Variants in PSEN2 observed in about 807,000 individuals in gnomAD.
PSEN2 encodes the protein presenilin-2.
PSEN2 carries 32 observed loss-of-function variants against 49.1 expected under a neutral mutation model. The ratio of observed to expected loss-of-function variants is 0.65; its 90% CI spans 0.49 to 0.88. The LOEUF is 0.88. PSEN2 is among the 40% of genes least tolerant of loss of function. The pLI, the probability that PSEN2 is intolerant of heterozygous loss-of-function variation, is 0.00. For missense variants in PSEN2, 522 were observed against 586.9 expected (o/e 0.89, Z 1.14); for synonymous variants, 255 against 244.0 (o/e 1.05, Z -0.42).
chr1:226,886,833 G>A (rs1661395719), intron 6 of PSEN2, among the ~76,000 whole-genome samples: 1 of 152,188 alleles, frequency 6.6e-6, no homozygotes, highest in Non-Finnish European at 1.5e-5. Context: ...TGGGCATTGT[G>A]GTGCACGCCT....
chr1:226,894,133 G>T lies in PSEN2; in HGVS notation c.1191+8G>T, dbSNP rs774601959. On this transcript the variant is annotated splice_region_variant and intron_variant, in intron 12 of 12. Transcript: ENST00000366783. Reference sequence around the variant, plus strand: ...TTCGTGGCCATCCTCATTGTGAGTGGCTGGGGATGCGTCCAGCTGCCTCGT... The same window carrying T: ...TTCGTGGCCATCCTCATTGTGAGTGTCTGGGGATGCGTCCAGCTGCCTCGT... 3 of 1,611,564 alleles carry T rather than the reference G, an allele frequency of 1.9e-6. No homozygotes were observed. The highest frequency in any genetic ancestry group is 1.1e-5 in the South Asian group (1 of 90,956).
In PSEN2 at chr1:226,882,017, G is replaced by A. The variant is rs1231154581; in HGVS notation, c.110G>A (p.Gly37Asp). ...TPRSCQEGRQ[G>D]PEDGENTAQW... ...CGCTCCTGCCAGGAGGGCAGGCAGG[G>A]CCCAGAGGATGGAGAGAACACTGCC... is the stretch of plus-strand genomic sequence containing the variant. The change falls in exon 4 of 13, where the codon GGC becomes GAC. Residue 37 changes from glycine to aspartate, a missense_variant. Physicochemically the swap from Gly to Asp is moderately conservative, Grantham distance 94. Coordinates refer to ENST00000366783, the MANE Select transcript of PSEN2 (RefSeq NM_000447.3). 9.3e-6 allele frequency: 15 copies of A among 1,614,046 alleles called. No individual in the cohort carries two copies. The highest frequency in any genetic ancestry group is 1.3e-5 in the African/African-American group (1 of 74,952).
intron 3 of PSEN2, among the ~76,000 whole-genome samples, 200 bp from the exon 4 acceptor site, chr1:226,881,688 G>C (rs944198451): frequency 6.6e-6 from 1 of 152,220 alleles, no homozygotes; most frequent in Non-Finnish European, 1.5e-5. Flanking sequence ...GCCAGCCCCA[G>C]GCAAGGCCGC....
At chr1:226,878,142 C>T (rs1571940911) in intron 3 of PSEN2, among the ~76,000 whole-genome samples, 2 of 151,838 alleles carry the variant, frequency 1.3e-5, no homozygotes, top group South Asian at 2.1e-4. Flanking sequence ...TGCAGTGGTG[C>T]GATCTCAGCT....
chr1:226,893,647 T>A, intron 11 of PSEN2, among the ~76,000 whole-genome samples: 1 of 152,220 alleles, frequency 6.6e-6, no homozygotes, highest in East Asian at 1.9e-4. Context: ...CCTAAAAATC[T>A]GTGATTCAGA....
intron 5 of PSEN2, 21 bp downstream of exon 5, chr1:226,883,940 G>A: frequency 7.8e-7 from 1 of 1,284,714 alleles, no homozygotes; most frequent in Non-Finnish European, 1.1e-6. Flanking sequence ...GGGCTGGGGG[G>A]AGCAGGGTGG....
At chr1:226,889,192 C>T (rs913938117) in intron 8 of PSEN2, 143 bp downstream of exon 8, 39 of 743,314 alleles carry the variant, frequency 5.2e-5, no homozygotes, top group South Asian at 4.7e-4. Context: ...CTGAGAGAGT[C>T]GCCTTTGTAA....
chr1:226,876,214 C>A (rs1660620303), intron 3 of PSEN2, among the ~76,000 whole-genome samples: 1 of 152,106 alleles, frequency 6.6e-6, no homozygotes, highest in Non-Finnish European at 1.5e-5. Context: ...ATTTTTCCCT[C>A]CAAGGATTTC....
At chr1:226,885,159 G>C (rs1334372824) in intron 5 of PSEN2, among the ~76,000 whole-genome samples, 2 of 151,830 alleles carry the variant, frequency 1.3e-5, no homozygotes, top group African/African-American at 4.8e-5. Context: ...AGGTGGAGGA[G>C]TGCTGGGCTG....
chr1:226,894,826 A>T (rs905100768), intron 12 of PSEN2, among the ~76,000 whole-genome samples: 2 of 152,176 alleles, frequency 1.3e-5, no homozygotes. Flanking sequence ...TTTGCCCACA[A>T]GTATATCAGG....
At chr1:226,882,547 A>T (rs181276264) in intron 4 of PSEN2, among the ~76,000 whole-genome samples, 175 of 152,286 alleles carry the variant, frequency 1.1e-3, no homozygotes, top group Non-Finnish European at 1.9e-3. Context: ...AAAGAGTAGG[A>T]TATCGTTGGG....
intron 12 of PSEN2, 43 bp from the exon 13 acceptor site, chr1:226,895,381 C>T: frequency 6.2e-7 from 1 of 1,611,528 alleles, no homozygotes; most frequent in Non-Finnish European, 8.5e-7. Context: ...CTCCTGTCCA[C>T]ACCAGGGATC....
downstream of PSEN2, among the ~76,000 whole-genome samples, chr1:226,899,773 A>T (rs1662253283): frequency 6.6e-6 from 1 of 152,234 alleles, no homozygotes; most frequent in South Asian, 2.1e-4. Flanking sequence ...GAGATCAGTA[A>T]GTGGCTTTCA....
chr1:226,880,800 T>C (rs1660940943), intron 3 of PSEN2: 1 of 1,600,942 alleles, frequency 6.2e-7, no homozygotes, highest in Non-Finnish European at 8.5e-7. Flanking sequence ...GCTTCCCTCC[T>C]GTCCCCTTGG....
intron 4 of PSEN2, among the ~76,000 whole-genome samples, chr1:226,883,288 ACT>A (rs141941207): frequency 0.014 from 2,134 of 152,306 alleles, 35 homozygotes; most frequent in African/African-American, 0.04. Context: ...GTCCCTGTGC[ACT>A]GACTCCTCTA....
At chr1:226,902,970 C>T (rs1034144489) in intron 12 of PSEN2, among the ~76,000 whole-genome samples, 17 of 152,096 alleles carry the variant, frequency 1.1e-4, no homozygotes, top group Non-Finnish European at 1.9e-4. Context: ...GAGAAACAAA[C>T]GTAGTAAAAT....
At chr1:226,902,673 C>G (rs1281235802) in intron 12 of PSEN2, among the ~76,000 whole-genome samples, 1 of 152,170 alleles carries the variant, frequency 6.6e-6, no homozygotes, top group Non-Finnish European at 1.5e-5. Context: ...AGCCAGCAGT[C>G]CCTCTCTGAG....
chr1:226,880,484 C>T (rs1225170278), intron 3 of PSEN2: 2 of 1,487,284 alleles, frequency 1.3e-6, no homozygotes, highest in African/African-American at 2.8e-5. Flanking sequence ...GAAGCTCAGC[C>T]CTGAGGGTCT....
chr1:226,895,854 A>G lies in PSEN2; in HGVS notation c.*275A>G, dbSNP rs1041214044. ...CTGAGAAGGTCAGATTAGGGCGGGG[A>G]GAAGAGCATCCGGCATGAGGGCTGA... On this transcript the variant is annotated 3_prime_UTR_variant, in exon 13 of 13. Coordinates refer to ENST00000366783, the MANE Select transcript of PSEN2 (RefSeq NM_000447.3). The G allele has an allele frequency of 2.3e-5, 12 of 518,956 alleles. 1 individual carries two copies. In the East Asian group the frequency reaches 3.5e-4, roughly 15 times the overall value. The allele number at this position is 518,956 out of a possible 1,614,324, so 32.1% of individuals were successfully genotyped here. A position where few individuals can be genotyped will look rare whatever the true frequency, so the allele number is the denominator to read the frequency against.
Sources: allele counts gnomAD v4.1 joint callset (sites outside exome capture counted in the v4.1 genomes callset), GRCh38; gene constraint gnomAD v4.1.1; transcripts MANE v1.5; gene names NCBI Gene and HGNC (gene_info 2026-07-23, HGNC 2026-07-21).